CA6: variants seen among roughly 807,000 people sequenced by gnomAD.
CA6 encodes carbonic anhydrase 6, also known as carbonate dehydratase VI.
In CA6, 28 loss-of-function variants were observed where a neutral mutation model predicts 35.9. The observed-to-expected ratio is 0.78, with a 90% CI of 0.58 to 1.07. The LOEUF is 1.07. Among genes scored for constraint, CA6 ranks in the 50% least tolerant of loss-of-function variants. CA6 has a pLI of 0.00. For synonymous variants in CA6, 148 were observed against 152.6 expected (o/e 0.97, Z 0.22); for missense variants, 377 against 382.0 (o/e 0.99, Z 0.11).
At chr1:8,965,886 CAAAA>C (rs34739263) in intron 5 of CA6, among the ~76,000 whole-genome samples, 1 of 133,672 alleles carries the variant, frequency 7.5e-6, no homozygotes, top group Non-Finnish European at 1.7e-5. Context: ...GACTCTGCTT[CAAAA>C]AAAAAAAAAA....
intron 5 of CA6, among the ~76,000 whole-genome samples, chr1:8,967,141 T>A (rs571085272): frequency 5.9e-5 from 9 of 152,248 alleles, no homozygotes; most frequent in Admixed American, 4.6e-4. Context: ...CATTTACAAC[T>A]GTTGTCTACC....
rs1240730342 is a variant in CA6, at chr1:8,960,797, T to TATAA, written c.502-1789_502-1788insTAAA. ...ACACACACACACACACACATATATA[T>TATAA]AATGGGAGTCCCAGAAGGAAAGGAG... On this transcript the variant is annotated intron_variant, in intron 4 of 7. Coordinates refer to ENST00000377443, the MANE Select transcript of CA6 (RefSeq NM_001215.4). Among the ~76,000 whole-genome samples the TATAA allele has an allele frequency of 7.8e-5, 9 of 115,150 alleles. 1 individual carries two copies. In the South Asian group the frequency reaches 1.8e-3, roughly 23 times the overall value. 75.5% of individuals were successfully genotyped at this position (115,150 alleles called of 152,430 possible). A position where few individuals can be genotyped will look rare whatever the true frequency, so the allele number is the denominator to read the frequency against.
chr1:8,946,163 G>T (rs1354299001), intron 1 of CA6, among the ~76,000 whole-genome samples, 198 bp downstream of exon 1: 1 of 151,800 alleles, frequency 6.6e-6, no homozygotes, highest in African/African-American at 2.4e-5. Flanking sequence ...TTAGCCTCCC[G>T]AGTACCTGGG....
chr1:8,956,431 A>C (rs1441416602), intron 2 of CA6, among the ~76,000 whole-genome samples: 1 of 151,590 alleles, frequency 6.6e-6, no homozygotes, highest in Non-Finnish European at 1.5e-5. Flanking sequence ...AGGCTGAGGC[A>C]GGTGGATCAC....
intron 7 of CA6, among the ~76,000 whole-genome samples, chr1:8,971,203 C>T (rs974050004): frequency 1.3e-5 from 2 of 151,948 alleles, no homozygotes; most frequent in African/African-American, 2.4e-5. Flanking sequence ...CAATCAGAAG[C>T]GACAGCTACG....
intron 1 of CA6, among the ~76,000 whole-genome samples, chr1:8,946,527 G>A (rs1289562601): frequency 1.3e-5 from 2 of 152,048 alleles, no homozygotes; most frequent in Non-Finnish European, 2.9e-5. Flanking sequence ...TTACTTACAG[G>A]CTTTTTGCTT....
chr1:8,956,166 T>G (rs1639676577), intron 2 of CA6, among the ~76,000 whole-genome samples: 1 of 152,062 alleles, frequency 6.6e-6, no homozygotes, highest in South Asian at 2.1e-4. Flanking sequence ...GAGGTTGCAG[T>G]GAGCCTAGAT....
chr1:8,948,489 G>A (rs1639428017), intron 1 of CA6, among the ~76,000 whole-genome samples: 2 of 151,860 alleles, frequency 1.3e-5, no homozygotes, highest in African/African-American at 4.8e-5. Flanking sequence ...AGAAAATAGT[G>A]GTGGGGGGTT....
chr1:8,970,789 C>G, intron 6 of CA6, 78 bp from the exon 7 acceptor site: 1 of 940,964 alleles, frequency 1.1e-6, no homozygotes, highest in Non-Finnish European at 1.8e-6. Context: ...GCGTGAGCCA[C>G]TGCGCCGGGC....
intron 7 of CA6, among the ~76,000 whole-genome samples, chr1:8,973,793 C>T (rs1557635931): frequency 1.3e-5 from 1 of 77,782 alleles, no homozygotes. Context: ...TCTTTTCCCT[C>T]CCTCCCTCTC....
chr1:8,953,641 CA>C (rs1420789906), intron 2 of CA6, among the ~76,000 whole-genome samples: 1 of 151,846 alleles, frequency 6.6e-6, no homozygotes, highest in African/African-American at 2.4e-5. Flanking sequence ...ATCAATCAGT[CA>C]ATCAATCAAT....
rs111924126 is a variant in CA6 at position 8,947,023 on chromosome 1, C to T, written c.79+1058C>T. ...TTTACCACGTTGGCCAGGCTGTTCT[C>T]AAACTTCTGACCTCAAGTGATCCGC... On this transcript the variant is annotated intron_variant, in intron 1 of 7. Transcript: ENST00000377443. 2.2e-3 allele frequency among the ~76,000 whole-genome samples: 340 copies of T among 152,080 alleles called. 2 individuals are homozygous for T. Among genetic ancestry groups the T allele is most frequent in the African/African-American group, 7.7e-3 (319 of 41,414 alleles).
At chr1:8,965,613 C>T (rs961676090) in intron 5 of CA6, among the ~76,000 whole-genome samples, 5 of 151,896 alleles carry the variant, frequency 3.3e-5, no homozygotes, top group Admixed American at 2.0e-4. Context: ...AGTGGCTGGG[C>T]GAGGTGACTC....
intron 6 of CA6, 86 bp from the exon 7 acceptor site, chr1:8,970,781 G>A (rs1640088400): frequency 4.6e-6 from 4 of 865,106 alleles, no homozygotes; most frequent in Admixed American, 1.7e-5. Flanking sequence ...GATTACAGGC[G>A]TGAGCCACTG....
At chr1:8,972,615 G>A (rs1014115184) in intron 7 of CA6, among the ~76,000 whole-genome samples, 4 of 152,036 alleles carry the variant, frequency 2.6e-5, no homozygotes, top group South Asian at 2.1e-4. Flanking sequence ...CCCGGGAGGC[G>A]GAGCTTGCAG....
Position 8,963,113 on chromosome 1 carries a change from C to A in CA6, c.571+457C>A, listed in dbSNP as rs368341949. On this transcript the variant is annotated intron_variant, in intron 5 of 7. Coordinates refer to ENST00000377443, the MANE Select transcript of CA6 (RefSeq NM_001215.4). This position sits in a 1 kb window ranked among gnomAD's most constrained non-coding sequence, Gnocchi z 4.1. ...CCAGAGGGCGGCGTTCTTGTAAGAG[C>A]CATTTCCCACCCAGGGTCAACCCTT... Among the ~76,000 whole-genome samples the A allele has an allele frequency of 6.6e-6, 1 of 152,098 alleles. No individual in the cohort carries two copies.
chr1:8,961,593 C>A (rs2124171087), intron 4 of CA6, among the ~76,000 whole-genome samples: 1 of 152,046 alleles, frequency 6.6e-6, no homozygotes, highest in African/African-American at 2.4e-5. Flanking sequence ...TTGCTTAACA[C>A]AAAAGAAGGC....
chr1:8,955,941 T>C (rs1639667036), intron 2 of CA6, among the ~76,000 whole-genome samples: 1 of 152,154 alleles, frequency 6.6e-6, no homozygotes, highest in African/African-American at 2.4e-5. Context: ...AGGAAGATCT[T>C]GCCAGGCGCA....
intron 2 of CA6, among the ~76,000 whole-genome samples, chr1:8,956,079 C>T (rs575220401): frequency 1.4e-4 from 22 of 151,976 alleles, no homozygotes; most frequent in African/African-American, 4.3e-4. Flanking sequence ...AAAAATTAGC[C>T]GGGCATGGTG....
Sources: gnomAD v4.1 joint callset for allele counts (sites outside exome capture counted in the v4.1 genomes callset) on GRCh38, gnomAD v4.1.1 for gene constraint, Gnocchi (gnomAD v3.1) non-coding constraint, MANE v1.5 for transcripts, NCBI Gene and HGNC (gene_info 2026-07-23, HGNC 2026-07-21) for gene names.